Variants in PCDHGA12 observed in about 807,000 individuals in gnomAD.
PCDHGA12 encodes the protein protocadherin gamma subfamily A, 12, also known as protocadherin gamma-A12.
Under a neutral mutation model 61.1 loss-of-function variants are expected in PCDHGA12, and 43 were observed. The observed-to-expected ratio is 0.70, with a 90% confidence interval of 0.55 to 0.91. PCDHGA12 has a LOEUF of 0.91. Among genes scored for constraint, PCDHGA12 ranks in the 40% least tolerant of loss-of-function variants. The probability of loss-of-function intolerance (pLI) is 0.00; values close to 1 mark genes in which losing one functional copy is unlikely to be tolerated. For missense variants in PCDHGA12, 1,236 were observed against 1,227.7 expected (o/e 1.01, Z -0.10); for synonymous variants, 520 against 542.9 (o/e 0.96, Z 0.59).
At chr5:141,463,367 C>G (rs1437952082) in intron 1 of PCDHGA12, among the ~76,000 whole-genome samples, 1 of 151,748 alleles carries the variant, frequency 6.6e-6, no homozygotes, top group African/African-American at 2.4e-5. Context: ...CCTTTCCTGC[C>G]CCACAGTCTG....
rs1455759096 is a variant in PCDHGA12, at chr5:141,489,539, C to T, written c.2425-5268C>T. 6.2e-7 allele frequency: 1 copy of T among 1,613,980 alleles called. No individual in the cohort carries two copies. Among genetic ancestry groups the T allele is most frequent in the African/African-American group, 1.3e-5 (1 of 74,912 alleles). On this transcript the variant is annotated intron_variant, in intron 1 of 3. Coordinates refer to ENST00000252085, the MANE Select transcript of PCDHGA12 (RefSeq NM_003735.3). This position sits in a 1 kb window ranked among gnomAD's most constrained non-coding sequence, Gnocchi z 4.5. Reference sequence around the variant, plus strand: ...CGAGAAAGCCTATGTGGAGCCAGCACCAGCTGCCTGCTGCCAGTGCAGGTG... The same window carrying T: ...CGAGAAAGCCTATGTGGAGCCAGCATCAGCTGCCTGCTGCCAGTGCAGGTG...
chr5:141,501,618 T>G (rs1307485559), intron 2 of PCDHGA12, among the ~76,000 whole-genome samples: 2 of 152,068 alleles, frequency 1.3e-5, no homozygotes, highest in African/African-American at 4.8e-5. Flanking sequence ...GTGACTCTGG[T>G]ATAGTCTCTC....
At chr5:141,478,603 A>C (rs116528962) in intron 1 of PCDHGA12, 173 of 1,563,096 alleles carry the variant, frequency 1.1e-4, no homozygotes, top group Non-Finnish European at 1.4e-4. Context: ...CCTACATCAT[A>C]TTGAGGAAGG....
At chr5:141,444,788 G>T (rs775248284) in intron 1 of PCDHGA12, among the ~76,000 whole-genome samples, 59 of 151,920 alleles carry the variant, frequency 3.9e-4, no homozygotes, top group Non-Finnish European at 5.7e-4. Context: ...TGTTTCATTT[G>T]TCTATTCTTT....
intron 1 of PCDHGA12, among the ~76,000 whole-genome samples, chr5:141,483,945 ATTGTG>A (rs2099589210): frequency 8.3e-6 from 1 of 120,394 alleles, no homozygotes; most frequent in Non-Finnish European, 1.6e-5. Context: ...TACGGTGTGA[ATTGTG>A]TTGTGTTTCT....
rs1487863444 is a variant in PCDHGA12 at position 141,491,016 on chromosome 5, G to A, written c.2425-3791G>A. On this transcript the variant is annotated intron_variant, in intron 1 of 3. Transcript: ENST00000252085. This position sits in a 1 kb window ranked among gnomAD's most constrained non-coding sequence, Gnocchi z 6.9. ...CTCCTGGCTCCTTGGTCACCAAGGTGACAGCCGTGGATGCTGATGCAGGCC... is the reference window on the plus strand; with the variant it reads ...CTCCTGGCTCCTTGGTCACCAAGGTAACAGCCGTGGATGCTGATGCAGGCC... 2.5e-6 allele frequency: 4 copies of A among 1,614,136 alleles called. No individual in the cohort carries two copies. The African/African-American group carries it at 5.3e-5, about 22-fold the overall frequency.
chr5:141,489,951 T>C lies in PCDHGA12; in HGVS notation c.2425-4856T>C. On this transcript the variant is annotated intron_variant, in intron 1 of 3. Coordinates refer to ENST00000252085, the MANE Select transcript of PCDHGA12 (RefSeq NM_003735.3). The surrounding 1 kb of genome is among the most constrained non-coding windows in gnomAD (Gnocchi z 4.5). ...CTGTCATCGTGCTGGACATCAATGATAATGCTCCAACCTTCCAATCCTCAG... is the reference window on the plus strand; with the variant it reads ...CTGTCATCGTGCTGGACATCAATGACAATGCTCCAACCTTCCAATCCTCAG... 6.2e-7 allele frequency: 1 copy of C among 1,614,210 alleles called. No homozygotes were observed. Among genetic ancestry groups the C allele is most frequent in the Non-Finnish European group, 8.5e-7 (1 of 1,180,032 alleles).
At position 141,432,412 on chromosome 5, in the gene PCDHGA12, C is replaced by G. The variant is rs773688197; in HGVS notation, c.1653C>G (p.Phe551Leu). 1.9e-6 allele frequency: 3 copies of G among 1,614,246 alleles called. No individual in the cohort carries two copies. The highest frequency in any genetic ancestry group is 2.2e-5 in the East Asian group (1 of 44,882). The part of the protein sequence containing the change: ...PLSSNVSLSL[F>L]VLDQNDNAPE... ...GCAGCAACGTGTCGTTGAGCCTGTT[C>G]GTGCTGGACCAGAACGACAATGCGC... The change falls in exon 1 of 4, where the codon TTC (phenylalanine) becomes TTG (leucine). Residue 551 changes from phenylalanine to leucine, a missense_variant. By Grantham distance (22) the Phe-to-Leu change is conservative. Transcript: ENST00000252085. This position sits in a 1 kb window ranked among gnomAD's most constrained non-coding sequence, Gnocchi z 6.0.
intron 2 of PCDHGA12, among the ~76,000 whole-genome samples, chr5:141,500,046 T>C (rs959260262): frequency 1.3e-5 from 2 of 152,098 alleles, no homozygotes; most frequent in African/African-American, 4.8e-5. Context: ...TTAAGTATCT[T>C]AATGCTCTTT....
chr5:141,506,177 G>A (rs1024892091), intron 3 of PCDHGA12, among the ~76,000 whole-genome samples: 16 of 152,142 alleles, frequency 1.1e-4, no homozygotes, highest in Admixed American at 4.6e-4. Flanking sequence ...TAAGCTGGGC[G>A]TGGTGGCTCA....
At chr5:141,510,653 T>G (rs1388568365) in intron 3 of PCDHGA12, among the ~76,000 whole-genome samples, 1 of 152,184 alleles carries the variant, frequency 6.6e-6, no homozygotes, top group Non-Finnish European at 1.5e-5. Context: ...ATCCCCATTT[T>G]GCAGATGAGA....
chr5:141,482,530 C>CA (rs3074545), intron 1 of PCDHGA12, among the ~76,000 whole-genome samples: 3,839 of 76,186 alleles, frequency 0.05, 137 homozygotes, highest in East Asian at 0.1. Context: ...GACAGACATG[C>CA]AAAAAAAAAA....
intron 1 of PCDHGA12, among the ~76,000 whole-genome samples, chr5:141,447,779 A>T (rs770299374): frequency 2.0e-5 from 3 of 152,210 alleles, no homozygotes; most frequent in Non-Finnish European, 4.4e-5. Flanking sequence ...ACTTTAATTG[A>T]AAATAAATTT....
At chr5:141,473,801 T>C (rs1593456345) in intron 1 of PCDHGA12, among the ~76,000 whole-genome samples, 1 of 152,226 alleles carries the variant, frequency 6.6e-6, no homozygotes, top group East Asian at 1.9e-4. Flanking sequence ...ATGATGCTAC[T>C]GAGGAGCAGC....
intron 1 of PCDHGA12, among the ~76,000 whole-genome samples, chr5:141,438,623 TATATATATATATACACACAC>T (rs1272037524): frequency 7.0e-5 from 3 of 42,840 alleles, no homozygotes; most frequent in African/African-American, 1.6e-4. Flanking sequence ...TATATATATA[TATATATATATATACACACAC>T]ACACACACAT....
intron 1 of PCDHGA12, among the ~76,000 whole-genome samples, chr5:141,481,820 C>T (rs2099545799): frequency 6.6e-6 from 1 of 150,726 alleles, no homozygotes; most frequent in Non-Finnish European, 1.5e-5. Context: ...GGCGTGGTGG[C>T]TGAGGCAGGA....
At chr5:141,484,054 G>A (rs1192214731) in intron 1 of PCDHGA12, among the ~76,000 whole-genome samples, 4 of 152,044 alleles carry the variant, frequency 2.6e-5, no homozygotes, top group African/African-American at 9.7e-5. Flanking sequence ...AGGTCCCCTG[G>A]GGCTAAGTGA....
In PCDHGA12 at chr5:141,485,972, T is replaced by G; in HGVS notation, c.2425-8835T>G. ...CATGGTGCTCATCCAGCTCAATGCC[T>G]CAGACCCGGACCTGGGTCCCAGTGG... On this transcript the variant is annotated intron_variant, in intron 1 of 3. Transcript: ENST00000252085. The surrounding 1 kb of genome is among the most constrained non-coding windows in gnomAD (Gnocchi z 5.7). 1 of 1,614,184 alleles carries G rather than the reference T, an allele frequency of 6.2e-7. No individual in the cohort carries two copies. Among genetic ancestry groups the G allele is most frequent in the Non-Finnish European group, 8.5e-7 (1 of 1,180,022 alleles).
Position 141,431,628 on chromosome 5 carries a change from A to T in PCDHGA12, c.869A>T (p.Gln290Leu), listed in dbSNP as rs1204083567. The T allele has an allele frequency of 6.2e-7, 1 of 1,614,138 alleles. No individual in the cohort carries two copies. Among genetic ancestry groups the T allele is most frequent in the Non-Finnish European group, 8.5e-7 (1 of 1,180,058 alleles). ...CGGTATGTGGACGACAAGGCGGCCC[A>T]AGTTTTCAAACTAGATTGTAATTCA... Reference protein sequence around the residue: ...SFRYVDDKAAQVFKLDCNSGT... With the variant: ...SFRYVDDKAALVFKLDCNSGT... Residue 290 changes from glutamine to leucine, a missense_variant, in exon 1 of 4, where the codon CAA becomes CTA. By Grantham distance (113) the Gln-to-Leu change is moderately radical. Coordinates refer to ENST00000252085, the MANE Select transcript of PCDHGA12 (RefSeq NM_003735.3). The surrounding 1 kb of genome is among the most constrained non-coding windows in gnomAD (Gnocchi z 4.8).
Sources: gnomAD v4.1 joint callset for allele counts (sites outside exome capture counted in the v4.1 genomes callset) on GRCh38, gnomAD v4.1.1 for gene constraint, Gnocchi (gnomAD v3.1) non-coding constraint, MANE v1.5 for transcripts, NCBI Gene and HGNC (gene_info 2026-07-23, HGNC 2026-07-21) for gene names.